The following TNKS variants were observed in gnomAD, a reference collection of about 807,000 sequenced individuals.
The protein encoded by TNKS is poly [ADP-ribose] polymerase tankyrase-1.
Under a neutral mutation model 135.8 loss-of-function variants are expected in TNKS, and 72 were observed. The ratio of observed to expected loss-of-function variants is 0.53; its 90% CI spans 0.44 to 0.64. The LOEUF (loss-of-function observed/expected upper bound fraction) is 0.64, where lower values mean the gene tolerates loss of function less well. Among genes scored for constraint, TNKS ranks in the 30% least tolerant of loss-of-function variants. The pLI, the probability that TNKS is intolerant of heterozygous loss-of-function variation, is 0.00. For missense variants in TNKS, 1,769 were observed against 1,674.0 expected, an observed-to-expected ratio of 1.06 and a Z score of -0.99; for synonymous variants, 849 against 649.3, an observed-to-expected ratio of 1.31 and a Z score of -4.68.
chr8:9,712,398 T>G (rs1804384184), intron 11 of TNKS, among the ~76,000 whole-genome samples: 1 of 151,880 alleles, frequency 6.6e-6, no homozygotes, highest in Admixed American at 6.6e-5. Context: ...GAAGATCACT[T>G]GATCCCAGGA....
intron 11 of TNKS, among the ~76,000 whole-genome samples, chr8:9,714,074 C>A (rs1224592783): frequency 6.6e-6 from 1 of 152,176 alleles, no homozygotes; most frequent in Non-Finnish European, 1.5e-5. Flanking sequence ...ACCTAATTAT[C>A]ATTAAGTAAT....
chr8:9,781,272 T>A lies in TNKS; in HGVS notation c.*4536T>A, dbSNP rs1268262185. 1 of 152,232 alleles carries A rather than the reference T, an allele frequency of 6.6e-6. No homozygotes were observed. Among genetic ancestry groups the A allele is most frequent in the Non-Finnish European group, 1.5e-5 (1 of 68,042 alleles). 9.4% of individuals were successfully genotyped at this position (152,232 alleles called of 1,614,324 possible). A position where few individuals can be genotyped will look rare whatever the true frequency, so the allele number is the denominator to read the frequency against. ...AGAGGTTTCTTTCACGTTCCAGAAT[T>A]CAGATTGTTCTGTGATTTCTTTTAC... On this transcript the variant is annotated 3_prime_UTR_variant, in exon 27 of 27. Transcript: ENST00000310430.
chr8:9,617,218 G>C (rs1188100296), intron 3 of TNKS, among the ~76,000 whole-genome samples: 1 of 152,208 alleles, frequency 6.6e-6, no homozygotes, highest in Non-Finnish European at 1.5e-5. Context: ...GATGTTGTTA[G>C]TTTGGGAAAG....
chr8:9,760,976 G>T (rs7824323), intron 20 of TNKS, among the ~76,000 whole-genome samples: 156 of 152,336 alleles, frequency 1.0e-3, no homozygotes, highest in African/African-American at 3.6e-3. Context: ...AAATACTTGA[G>T]ATGTCAATCT....
intron 17 of TNKS, among the ~76,000 whole-genome samples, chr8:9,742,159 A>C (rs1274748154): frequency 6.6e-6 from 1 of 152,196 alleles, no homozygotes; most frequent in East Asian, 1.9e-4. Context: ...TGTTTATAGC[A>C]GGTATTTTTA....
intron 3 of TNKS, among the ~76,000 whole-genome samples, chr8:9,632,768 C>A (rs1299824533): frequency 6.6e-6 from 1 of 152,174 alleles, no homozygotes; most frequent in Non-Finnish European, 1.5e-5. Flanking sequence ...CTCACTCTGT[C>A]GCCCAGGCTG....
At chr8:9,715,123 A>G (rs866882044) in intron 11 of TNKS, among the ~76,000 whole-genome samples, 4 of 152,228 alleles carry the variant, frequency 2.6e-5, no homozygotes, top group Middle Eastern at 6.8e-3. Context: ...GACCAGTGCC[A>G]CTGAGAGAAA....
intron 3 of TNKS, among the ~76,000 whole-genome samples, chr8:9,640,164 A>G (rs976340122): frequency 2.0e-5 from 3 of 152,202 alleles, no homozygotes; most frequent in African/African-American, 7.2e-5. Context: ...ACAGTATACC[A>G]TAGACTGGGT....
At chr8:9,615,323 C>G (rs1036835555) in intron 2 of TNKS, 1 of 273,950 alleles carries the variant, frequency 3.7e-6, no homozygotes, top group Non-Finnish European at 6.8e-6. Flanking sequence ...AACCAAAACT[C>G]TACATTGCAA....
At chr8:9,731,197 C>T (rs971768431) in intron 14 of TNKS, among the ~76,000 whole-genome samples, 162 bp downstream of exon 14, 3 of 152,106 alleles carry the variant, frequency 2.0e-5, no homozygotes, top group Non-Finnish European at 2.9e-5. Flanking sequence ...TGGTGGCTCA[C>T]GCCTGTAATC....
In TNKS at chr8:9,781,179, C is replaced by A. The variant is rs76060156; in HGVS notation, c.*4443C>A. ...ACTGTAGATTGCATTTCGGCTTTTCCTCCTTTCACATTCTTTTTTGCTTTA... is the reference window on the plus strand; with the variant it reads ...ACTGTAGATTGCATTTCGGCTTTTCATCCTTTCACATTCTTTTTTGCTTTA... On this transcript the variant is annotated 3_prime_UTR_variant, in exon 27 of 27. Coordinates refer to ENST00000310430, the MANE Select transcript of TNKS (RefSeq NM_003747.3). 6.6e-6 allele frequency: 1 copy of A among 152,116 alleles called. No homozygotes were observed. Among genetic ancestry groups the A allele is most frequent in the Non-Finnish European group, 1.5e-5 (1 of 68,018 alleles). 9.4% of individuals were successfully genotyped at this position (152,116 alleles called of 1,614,324 possible).
At position 9,567,484 on chromosome 8, in the gene TNKS, T is replaced by C. The variant is rs547708525; in HGVS notation, c.673+10872T>C. 9.0e-3 allele frequency among the ~76,000 whole-genome samples: 1,373 copies of C among 152,312 alleles called. 14 individuals carry two copies. Among genetic ancestry groups the C allele is most frequent in the Non-Finnish European group, 0.013 (901 of 68,018 alleles). ...AGGCTGGAGCGCAGTGGCGCGATCT[T>C]GGCTCACTGCAAGCTCTGCCTCCCG... On this transcript the variant is annotated intron_variant, in intron 1 of 26. Transcript: ENST00000310430.
intron 4 of TNKS, 41 bp from the exon 5 acceptor site, chr8:9,680,684 C>G: frequency 1.4e-6 from 2 of 1,412,266 alleles, no homozygotes; most frequent in Non-Finnish European, 2.0e-6. Context: ...TCATAAGAAG[C>G]TTTGTAATTT....
At chr8:9,717,072 A>ATT (rs376229840) in intron 11 of TNKS, among the ~76,000 whole-genome samples, 1 of 79,456 alleles carries the variant, frequency 1.3e-5, no homozygotes, top group African/African-American at 4.6e-5. Flanking sequence ...GTTGTATTAT[A>ATT]ATATATATAT....
chr8:9,687,891 C>T (rs565450664), intron 5 of TNKS, among the ~76,000 whole-genome samples: 1 of 152,178 alleles, frequency 6.6e-6, no homozygotes, highest in African/African-American at 2.4e-5. Flanking sequence ...TTGTTAGAAT[C>T]GAAGTTTAAA....
chr8:9,751,379 A>G (rs1476673135), intron 18 of TNKS, among the ~76,000 whole-genome samples: 1 of 152,158 alleles, frequency 6.6e-6, no homozygotes, highest in Non-Finnish European at 1.5e-5. Flanking sequence ...GCTTTTTTTT[A>G]AATGAAAGAA....
At chr8:9,614,502 A>G (rs1490937539) in intron 2 of TNKS, among the ~76,000 whole-genome samples, 2 of 152,206 alleles carry the variant, frequency 1.3e-5, no homozygotes, top group South Asian at 2.1e-4. Context: ...TTTTATGGCT[A>G]ATACATTAAA....
At chr8:9,690,915 T>A (rs955174668) in intron 5 of TNKS, among the ~76,000 whole-genome samples, 3 of 152,208 alleles carry the variant, frequency 2.0e-5, no homozygotes, top group Non-Finnish European at 1.5e-5. Context: ...GAATCTTACT[T>A]GGATGGGGAC....
chr8:9,775,606 A>T (rs1049908649), intron 26 of TNKS, among the ~76,000 whole-genome samples: 3 of 150,658 alleles, frequency 2.0e-5, no homozygotes, highest in African/African-American at 7.3e-5. Context: ...AATAAAAATA[A>T]TAACAATAAT....
Sources: allele counts gnomAD v4.1 joint callset (sites outside exome capture counted in the v4.1 genomes callset), GRCh38; gene constraint gnomAD v4.1.1; transcripts MANE v1.5; gene names NCBI Gene and HGNC (gene_info 2026-07-23, HGNC 2026-07-21).